The following INSR variants were observed in gnomAD, a reference collection of about 807,000 sequenced individuals.
The protein encoded by INSR is insulin receptor, also known as IR.
In INSR, 67 loss-of-function variants were observed where a neutral mutation model predicts 142.6. That is an observed-to-expected ratio of 0.47 (90% CI 0.39 to 0.58). INSR has a LOEUF of 0.58. Ranked by LOEUF, INSR falls within the 20% of genes least tolerant of loss-of-function variation. The pLI is 0.00. For synonymous variants in INSR, 756 were observed against 743.1 expected, an observed-to-expected ratio of 1.02 and a Z score of -0.28; for missense variants, 1,248 against 1,833.2, an observed-to-expected ratio of 0.68 and a Z score of 5.83.
intron 2 of INSR, among the ~76,000 whole-genome samples, chr19:7,254,401 C>T (rs991405896): frequency 6.6e-6 from 1 of 151,964 alleles, no homozygotes; most frequent in Admixed American, 6.6e-5. Context: ...TGGTGGCATG[C>T]ACCCATAGTT....
chr19:7,236,836 C>T (rs1021518634), intron 2 of INSR, among the ~76,000 whole-genome samples: 1 of 151,988 alleles, frequency 6.6e-6, no homozygotes, highest in African/African-American at 2.4e-5. Context: ...ACCATCCTGG[C>T]TAACACGGTG....
At chr19:7,152,284 G>T in intron 10 of INSR, 1 of 271,526 alleles carries the variant, frequency 3.7e-6, no homozygotes, top group Non-Finnish European at 7.2e-6. Context: ...CCAGCTACTT[G>T]GGAGGCTGAG....
chr19:7,237,453 G>T (rs534598204), intron 2 of INSR, among the ~76,000 whole-genome samples: 151 of 150,634 alleles, frequency 1.0e-3, no homozygotes, highest in African/African-American at 3.4e-3. Context: ...GGAGGTGGAG[G>T]TTGCAGTGAG....
At chr19:7,121,960 C>A (rs1972501352) in intron 19 of INSR, among the ~76,000 whole-genome samples, 1 of 151,920 alleles carries the variant, frequency 6.6e-6, no homozygotes, top group Admixed American at 6.6e-5. Flanking sequence ...TTGGCCAACA[C>A]AGTGAAACTC....
chr19:7,258,943 TTC>T, intron 2 of INSR, among the ~76,000 whole-genome samples: 1 of 145,516 alleles, frequency 6.9e-6, no homozygotes, highest in Non-Finnish European at 1.5e-5. Flanking sequence ...CTTCCTTTCC[TTC>T]TTCCTTCCTT....
Position 7,112,631 on chromosome 19 carries a change from G to A in INSR, c.*4425C>T, listed in dbSNP as rs997563300. ...CCTTCCTTCTCCAATGGGACCAAGA[G>A]CCCCAGATTTGTGATCTGGTTTTTA... On this transcript the variant is annotated 3_prime_UTR_variant, in exon 22 of 22. Transcript: ENST00000302850. The A allele has an allele frequency of 4.6e-5, 7 of 152,138 alleles. No homozygotes were observed. The highest frequency in any genetic ancestry group is 2.6e-4 in the Admixed American group (4 of 15,272). The allele number at this position is 152,138 out of a possible 1,614,324, so 9.4% of individuals were successfully genotyped here.
chr19:7,234,685 G>C (rs1568208141), intron 2 of INSR, among the ~76,000 whole-genome samples: 1 of 152,162 alleles, frequency 6.6e-6, no homozygotes, highest in South Asian at 2.1e-4. Flanking sequence ...CGAGTATCAG[G>C]ATCTAAGGAG....
At position 7,117,034 on chromosome 19, in the gene INSR, G is replaced by T. The variant is rs202214478; in HGVS notation, c.*22C>A. 1 of 1,540,374 alleles carries T rather than the reference G, an allele frequency of 6.5e-7. No homozygotes were observed. The highest frequency in any genetic ancestry group is 1.7e-5 in the Admixed American group (1 of 58,472). ...AAAGCGAAAATGGGAACCCCTGCCC[G>T]CCCCCGCCACGGTAGGCACTGTTAG... On this transcript the variant is annotated 3_prime_UTR_variant, in exon 22 of 22. Transcript: ENST00000302850.
rs1239266125 is a variant in INSR at position 7,239,040 on chromosome 19, A to T, written c.652+28305T>A. Among the ~76,000 whole-genome samples, 136 of 151,956 alleles carry T rather than the reference A, an allele frequency of 8.9e-4. 1 individual carries two copies. Among genetic ancestry groups the T allele is most frequent in the East Asian group, 1.9e-4 (1 of 5,186 alleles). ...GTCCTATTATTACTACAAAAAAAAA[A>T]TTACAGATTTAAAGAAGAGCAACTG... On this transcript the variant is annotated intron_variant, in intron 2 of 21. Coordinates refer to ENST00000302850, the MANE Select transcript of INSR (RefSeq NM_000208.4).
intron 1 of INSR, among the ~76,000 whole-genome samples, chr19:7,270,337 T>TCA (rs1334553477): frequency 0.13 from 12,315 of 94,502 alleles, 608 homozygotes; most frequent in Middle Eastern, 0.19. Flanking sequence ...TCTCTCTCTC[T>TCA]CTCACACACA....
intron 1 of INSR, 78 bp downstream of exon 1, chr19:7,293,714 G>A (rs934768222): frequency 3.4e-6 from 4 of 1,187,194 alleles, no homozygotes; most frequent in East Asian, 3.7e-5. Context: ...GTCCACAAGC[G>A]GGGGCTCGAT....
At chr19:7,120,561 T>C in intron 20 of INSR, 59 bp downstream of exon 20, 1 of 1,608,820 alleles carries the variant, frequency 6.2e-7, no homozygotes, top group Non-Finnish European at 8.5e-7. Flanking sequence ...CGCTCTTGGC[T>C]CTCACTAGCA....
chr19:7,181,394 G>A (rs1047532996), intron 3 of INSR, among the ~76,000 whole-genome samples: 1 of 152,120 alleles, frequency 6.6e-6, no homozygotes, highest in Non-Finnish European at 1.5e-5. Context: ...AAGTGAGAGA[G>A]GCCAAGAAGA....
intron 2 of INSR, among the ~76,000 whole-genome samples, chr19:7,191,647 C>G (rs905507585): frequency 6.6e-6 from 1 of 151,674 alleles, no homozygotes; most frequent in Non-Finnish European, 1.5e-5. Context: ...ATAGCCAGAC[C>G]CCTGTCTCTA....
chr19:7,199,348 G>A lies in INSR; in HGVS notation c.653-14711C>T, dbSNP rs1300857107. ...AATCCAGGTCTCCCAGAGAGACCAG[G>A]AGAGGGTGTGGTATGGAGTTTGGGG... is the stretch of plus-strand genomic sequence containing the variant. On this transcript the variant is annotated intron_variant, in intron 2 of 21. Coordinates refer to ENST00000302850, the MANE Select transcript of INSR (RefSeq NM_000208.4). Among the ~76,000 whole-genome samples, 3 of 152,166 alleles carry A rather than the reference G, an allele frequency of 2.0e-5. No individual in the cohort carries two copies. In the East Asian group the frequency reaches 5.8e-4, roughly 29 times the overall value.
chr19:7,250,298 G>A (rs1976671057), intron 2 of INSR, among the ~76,000 whole-genome samples: 1 of 145,002 alleles, frequency 6.9e-6, no homozygotes, highest in Non-Finnish European at 1.5e-5. Flanking sequence ...GAGAAGAAGG[G>A]GAGGGGAGGG....
chr19:7,147,457 G>A (rs904657851), intron 11 of INSR, among the ~76,000 whole-genome samples: 1 of 152,110 alleles, frequency 6.6e-6, no homozygotes, highest in African/African-American at 2.4e-5. Context: ...TTACAGGTGT[G>A]AGTCACTGCG....
chr19:7,236,232 G>A (rs1026845989), intron 2 of INSR, among the ~76,000 whole-genome samples: 12 of 152,004 alleles, frequency 7.9e-5, no homozygotes, highest in African/African-American at 2.9e-4. Context: ...AAAGTGCTAG[G>A]ATTACAAGCA....
intron 1 of INSR, among the ~76,000 whole-genome samples, chr19:7,270,730 C>G (rs2145217367): frequency 6.6e-6 from 1 of 152,038 alleles, no homozygotes; most frequent in Non-Finnish European, 1.5e-5. Context: ...TGCACTCCAG[C>G]TTGGGCAACA....
Sources: allele counts gnomAD v4.1 joint callset (sites outside exome capture counted in the v4.1 genomes callset), GRCh38; gene constraint gnomAD v4.1.1; transcripts MANE v1.5; gene names NCBI Gene and HGNC (gene_info 2026-07-23, HGNC 2026-07-21).